Variants in RGS8 observed in about 807,000 individuals in gnomAD.
The protein encoded by RGS8 is regulator of G protein signaling 8.
A neutral mutation model predicts 21.7 loss-of-function variants in RGS8; 8 were observed. The ratio of observed to expected loss-of-function variants is 0.37; its 90% CI spans 0.22 to 0.66. The LOEUF is 0.66. Ranked by LOEUF, RGS8 falls within the 30% of genes least tolerant of loss-of-function variation. The pLI, the probability that RGS8 is intolerant of heterozygous loss-of-function variation, is 0.59. For missense variants in RGS8, 157 were observed against 217.9 expected (o/e 0.72, Z 1.76); for synonymous variants, 80 against 83.6 (o/e 0.96, Z 0.24).
the RGS8 span, among the ~76,000 whole-genome samples, chr1:182,717,654 G>C: frequency 1.3e-5 from 2 of 152,096 alleles, no homozygotes; most frequent in Non-Finnish European, 2.9e-5. Context: ...GTCACCCTTG[G>C]TTCCCTCCCC....
the RGS8 span, among the ~76,000 whole-genome samples, chr1:182,739,445 G>C: frequency 3.9e-5 from 6 of 152,246 alleles, no homozygotes; most frequent in East Asian, 1.2e-3. Context: ...TCTTTCAATG[G>C]GGTTTTTAAA....
chr1:182,681,930 AC>A (rs1664548295), intron 1 of RGS8, among the ~76,000 whole-genome samples: 1 of 152,204 alleles, frequency 6.6e-6, no homozygotes, highest in Admixed American at 6.5e-5. Flanking sequence ...CATACAGAGA[AC>A]ACTGACCAAT....
chr1:182,695,009 G>A, the RGS8 span, among the ~76,000 whole-genome samples: 1 of 152,186 alleles, frequency 6.6e-6, no homozygotes, highest in South Asian at 2.1e-4. Context: ...GCATTGGGTT[G>A]TTGTTTTTTT....
the RGS8 span, among the ~76,000 whole-genome samples, chr1:182,714,877 T>G: frequency 6.6e-6 from 1 of 152,236 alleles, no homozygotes. Flanking sequence ...ACTGAGCATC[T>G]CTTCATCCAA....
intron 5 of RGS8, among the ~76,000 whole-genome samples, chr1:182,654,200 G>A (rs1367328441): frequency 6.6e-6 from 1 of 152,162 alleles, no homozygotes; most frequent in Non-Finnish European, 1.5e-5. Context: ...AGGTCCATAT[G>A]ACTCCAAAGC....
At chr1:182,728,344 G>A in the RGS8 span, among the ~76,000 whole-genome samples, 1 of 152,296 alleles carries the variant, frequency 6.6e-6, no homozygotes, top group Non-Finnish European at 1.5e-5. Flanking sequence ...GATAGCGTCA[G>A]AGTACATAAG....
chr1:182,683,410 A>G (rs1393737534), intron 1 of RGS8, among the ~76,000 whole-genome samples: 1 of 152,146 alleles, frequency 6.6e-6, no homozygotes, highest in African/African-American at 2.4e-5. Flanking sequence ...GGAAAACTCT[A>G]AAGTTCTTCA....
upstream of RGS8, among the ~76,000 whole-genome samples, chr1:182,688,010 C>A (rs1417684943): frequency 6.6e-6 from 1 of 152,160 alleles, no homozygotes; most frequent in Non-Finnish European, 1.5e-5. Context: ...AACTGCATAG[C>A]TTTTAAACTG....
At chr1:182,657,662 C>A (rs1292455674) in intron 5 of RGS8, among the ~76,000 whole-genome samples, 1 of 152,198 alleles carries the variant, frequency 6.6e-6, no homozygotes, top group Non-Finnish European at 1.5e-5. Flanking sequence ...TAAGTGTGAG[C>A]TTGGGCAAGA....
At chr1:182,738,978 A>T in the RGS8 span, among the ~76,000 whole-genome samples, 1 of 152,342 alleles carries the variant, frequency 6.6e-6, no homozygotes, top group East Asian at 1.9e-4. Flanking sequence ...TCTTTCATAC[A>T]AGGTTAGATC....
chr1:182,674,723 C>T (rs1664301154), upstream of RGS8, among the ~76,000 whole-genome samples: 1 of 152,182 alleles, frequency 6.6e-6, no homozygotes, highest in Admixed American at 6.5e-5. Flanking sequence ...GAATTCATCA[C>T]CTTGGACTCT....
chr1:182,727,400 T>C, the RGS8 span, among the ~76,000 whole-genome samples: 1 of 152,246 alleles, frequency 6.6e-6, no homozygotes, highest in Non-Finnish European at 1.5e-5. Context: ...ATAATATGTC[T>C]GGAATGAAGA....
At chr1:182,722,606 C>G in the RGS8 span, among the ~76,000 whole-genome samples, 2 of 152,226 alleles carry the variant, frequency 1.3e-5, no homozygotes, top group African/African-American at 4.8e-5. Context: ...TGGCTTGCAG[C>G]TGCATCCCTC....
Position 182,669,458 on chromosome 1 carries a change from A to G in RGS8, c.26+166T>C, listed in dbSNP as rs529606196. ...AAGGCCACAACTTTGCAAGAGGCAT[A>G]CAGACAAGAACCGTGCAGTTCACAC... On this transcript the variant is annotated intron_variant, in intron 3 of 6. Transcript: ENST00000483095. 9.2e-5 allele frequency among the ~76,000 whole-genome samples: 14 copies of G among 152,372 alleles called. No homozygotes were observed. The South Asian group carries it at 2.9e-3, about 32-fold the overall frequency.
At chr1:182,680,716 C>T (rs960016923) in intron 1 of RGS8, among the ~76,000 whole-genome samples, 1 of 152,182 alleles carries the variant, frequency 6.6e-6, no homozygotes, top group African/African-American at 2.4e-5. Context: ...TCCCTATGTA[C>T]ATTGCCTAGG....
upstream of RGS8, among the ~76,000 whole-genome samples, chr1:182,674,942 C>T (rs1664308721): frequency 6.6e-6 from 1 of 152,190 alleles, no homozygotes; most frequent in Admixed American, 6.5e-5. Context: ...ATACTCACTC[C>T]TCTTGGGAAG....
At chr1:182,669,996 A>G (rs1192961692) in intron 2 of RGS8, among the ~76,000 whole-genome samples, 2 of 152,222 alleles carry the variant, frequency 1.3e-5, no homozygotes, top group Non-Finnish European at 2.9e-5. Context: ...GCCATCAAAT[A>G]TAAAGTGGAA....
upstream of RGS8, among the ~76,000 whole-genome samples, chr1:182,688,432 G>A (rs1664752820): frequency 6.6e-6 from 1 of 152,082 alleles, no homozygotes; most frequent in African/African-American, 2.4e-5. Flanking sequence ...AAGATGAGGA[G>A]GAAGAAAAAG....
the RGS8 span, among the ~76,000 whole-genome samples, chr1:182,739,997 A>G: frequency 2.0e-5 from 3 of 151,942 alleles, no homozygotes; most frequent in African/African-American, 7.2e-5. Flanking sequence ...AATTTCTATC[A>G]TCGCCTGGGT....
Sources: allele counts gnomAD v4.1 joint callset (sites outside exome capture counted in the v4.1 genomes callset), GRCh38; gene constraint gnomAD v4.1.1; transcripts MANE v1.5; gene names NCBI Gene and HGNC (gene_info 2026-07-23, HGNC 2026-07-21).